Variants in KANK1 observed in about 807,000 individuals in gnomAD.
KANK1 encodes the protein KN motif and ankyrin repeat domains 1.
A neutral mutation model predicts 106.2 loss-of-function variants in KANK1; 109 were observed. The observed-to-expected ratio is 1.03, with a 90% CI of 0.88 to 1.20. The LOEUF is 1.20. KANK1 is among the 50% of genes most tolerant of loss of function. KANK1 has a pLI of 0.00. For synonymous variants in KANK1, 873 were observed against 652.2 expected, an observed-to-expected ratio of 1.34 and a Z score of -5.16; for missense variants, 2,399 against 1,710.7, an observed-to-expected ratio of 1.40 and a Z score of -7.10.
chr9:586,894 C>G (rs1053423054), intron 1 of KANK1, among the ~76,000 whole-genome samples: 2 of 152,162 alleles, frequency 1.3e-5, no homozygotes, highest in African/African-American at 4.8e-5. Flanking sequence ...CTTAACTGTA[C>G]TTTGATTTCC....
At chr9:624,056 T>G (rs1302013345) in intron 1 of KANK1, among the ~76,000 whole-genome samples, 1 of 152,118 alleles carries the variant, frequency 6.6e-6, no homozygotes, top group Non-Finnish European at 1.5e-5. Context: ...GCCATAAAAA[T>G]AAGGAAAGCC....
chr9:510,582 A>G (rs1203445088), intron 1 of KANK1, among the ~76,000 whole-genome samples: 10 of 152,314 alleles, frequency 6.6e-5, no homozygotes, highest in Middle Eastern at 3.4e-3. Context: ...AGAGACACTG[A>G]GCCTTCTCAA....
chr9:627,670 T>C (rs1349356808), intron 1 of KANK1, among the ~76,000 whole-genome samples: 1 of 152,212 alleles, frequency 6.6e-6, no homozygotes, highest in Non-Finnish European at 1.5e-5. Context: ...TCATTCCAGC[T>C]CGTATCTTGG....
intron 1 of KANK1, among the ~76,000 whole-genome samples, chr9:560,571 A>G (rs1816139110): frequency 6.6e-6 from 1 of 152,234 alleles, no homozygotes. Context: ...TCACATAAAG[A>G]TGCATTCACT....
At chr9:559,809 G>A (rs1484235818) in intron 1 of KANK1, among the ~76,000 whole-genome samples, 1 of 152,076 alleles carries the variant, frequency 6.6e-6, no homozygotes, top group African/African-American at 2.4e-5. Context: ...TATGGTTGTG[G>A]CTCTCTACCA....
At chr9:614,575 C>A (rs1330940178) in intron 1 of KANK1, among the ~76,000 whole-genome samples, 2 of 152,082 alleles carry the variant, frequency 1.3e-5, no homozygotes, top group Admixed American at 6.5e-5. Flanking sequence ...TTGTGTGGGA[C>A]TGTCTCGTGT....
At chr9:623,982 G>A (rs1011296598) in intron 1 of KANK1, among the ~76,000 whole-genome samples, 1 of 152,070 alleles carries the variant, frequency 6.6e-6, no homozygotes, top group Non-Finnish European at 1.5e-5. Context: ...CAACCCAAGT[G>A]CCATTTATCT....
intron 2 of KANK1, among the ~76,000 whole-genome samples, chr9:696,814 T>C (rs1221882684): frequency 6.6e-6 from 1 of 152,026 alleles, no homozygotes; most frequent in Admixed American, 6.6e-5. Context: ...TAATATGTAA[T>C]ACAGGAAAGC....
At chr9:599,097 C>T (rs1338840492) in intron 1 of KANK1, among the ~76,000 whole-genome samples, 12 of 149,670 alleles carry the variant, frequency 8.0e-5, no homozygotes, top group African/African-American at 3.0e-4. Flanking sequence ...TGGCTCACCA[C>T]AGCCTCCACC....
At chr9:675,933 T>C (rs529087110) in intron 1 of KANK1, among the ~76,000 whole-genome samples, 1 of 152,170 alleles carries the variant, frequency 6.6e-6, no homozygotes, top group Non-Finnish European at 1.5e-5. Flanking sequence ...GGTCCTCCCC[T>C]TTTTAGACCA....
Position 585,523 on chromosome 9 carries a change from A to G in KANK1, c.-84+80769A>G, listed in dbSNP as rs373904031. Among the ~76,000 whole-genome samples, 35 of 152,330 alleles carry G rather than the reference A, an allele frequency of 2.3e-4. No homozygotes were observed. In the East Asian group the frequency reaches 5.4e-3, roughly 23 times the overall value. ...CAAAGGCCTATGAATTTCAAAAAGC[A>G]TTGACAGAACCGATCCAAAAAATAT... On this transcript the variant is annotated intron_variant, in intron 1 of 11. Coordinates refer to ENST00000382297, the MANE Select transcript of KANK1 (RefSeq NM_015158.5).
chr9:581,968 A>G (rs568617721), intron 1 of KANK1, among the ~76,000 whole-genome samples: 27 of 152,250 alleles, frequency 1.8e-4, no homozygotes, highest in African/African-American at 6.3e-4. Context: ...AGATCTTGCT[A>G]TCTTCTCACC....
At chr9:599,547 G>T (rs1232131308) in intron 1 of KANK1, among the ~76,000 whole-genome samples, 1 of 151,726 alleles carries the variant, frequency 6.6e-6, no homozygotes, top group Non-Finnish European at 1.5e-5. Context: ...ATTATAGATT[G>T]TGTCTTTCTC....
At position 682,620 on chromosome 9, in the gene KANK1, G is replaced by A. The variant is rs868078544; in HGVS notation, c.37+5611G>A. ...GGACTGCTTCCACATTTTCCCTATGGTAGATGATGTTGCAGAGAACATCTT... is the reference window on the plus strand; with the variant it reads ...GGACTGCTTCCACATTTTCCCTATGATAGATGATGTTGCAGAGAACATCTT... On this transcript the variant is annotated intron_variant, in intron 2 of 11. Coordinates refer to ENST00000382297, the MANE Select transcript of KANK1 (RefSeq NM_015158.5). Among the ~76,000 whole-genome samples the A allele has an allele frequency of 2.6e-5, 4 of 152,194 alleles. 1 individual carries two copies. The highest frequency in any genetic ancestry group is 3.4e-3 in the Middle Eastern group (1 of 294).
intron 2 of KANK1, among the ~76,000 whole-genome samples, chr9:472,574 C>T (rs2058040281): frequency 6.6e-6 from 1 of 152,154 alleles, no homozygotes; most frequent in South Asian, 2.1e-4. Context: ...CCATAGAATG[C>T]GGCAAAGTGA....
At chr9:677,999 C>G (rs1390999548) in intron 2 of KANK1, among the ~76,000 whole-genome samples, 2 of 152,178 alleles carry the variant, frequency 1.3e-5, no homozygotes, top group African/African-American at 4.8e-5. Context: ...CCGTAAAGCA[C>G]TTTTGAAGAC....
At chr9:703,996 G>C (rs1323505059) in intron 2 of KANK1, among the ~76,000 whole-genome samples, 1 of 152,206 alleles carries the variant, frequency 6.6e-6, no homozygotes, top group African/African-American at 2.4e-5. Flanking sequence ...TTACAGGCGT[G>C]AGCCACTGTG....
intron 1 of KANK1, among the ~76,000 whole-genome samples, chr9:526,970 T>C (rs75752263): frequency 0.044 from 6,625 of 151,922 alleles, 202 homozygotes; most frequent in Non-Finnish European, 0.053. Context: ...GTTTATAGTA[T>C]TATTTAGACT....
chr9:593,232 A>T (rs1021112750), intron 1 of KANK1, among the ~76,000 whole-genome samples: 2 of 151,852 alleles, frequency 1.3e-5, no homozygotes, highest in African/African-American at 4.9e-5. Flanking sequence ...GAAAATATGG[A>T]TTATTATTCT....
Sources: gnomAD v4.1 joint callset for allele counts (sites outside exome capture counted in the v4.1 genomes callset) on GRCh38, gnomAD v4.1.1 for gene constraint, MANE v1.5 for transcripts, NCBI Gene and HGNC (gene_info 2026-07-23, HGNC 2026-07-21) for gene names.